DYTN: variants seen among roughly 807,000 people sequenced by gnomAD.
DYTN encodes the protein dystrotelin.
A neutral mutation model predicts 69.6 loss-of-function variants in DYTN; 75 were observed. The observed-to-expected ratio is 1.08, with a 90% confidence interval of 0.89 to 1.31. The LOEUF is 1.31. Ranked by LOEUF, DYTN falls within the 50% of genes most tolerant of loss-of-function variation. The probability of loss-of-function intolerance (pLI) is 0.00; values close to 1 mark genes in which losing one functional copy is unlikely to be tolerated. For synonymous variants in DYTN, 252 were observed against 249.1 expected (o/e 1.01, Z -0.11); for missense variants, 726 against 688.4 (o/e 1.05, Z -0.61).
intron 9 of DYTN, among the ~76,000 whole-genome samples, chr2:206,667,733 G>A (rs1016290023): frequency 1.3e-4 from 17 of 133,184 alleles, no homozygotes; most frequent in African/African-American, 4.2e-4. Flanking sequence ...TGTGTGTGTT[G>A]ACATGTCTTC....
At chr2:206,667,039 T>C (rs569930478) in intron 9 of DYTN, among the ~76,000 whole-genome samples, 240 of 152,206 alleles carry the variant, frequency 1.6e-3, no homozygotes, top group African/African-American at 5.6e-3. Context: ...AGAGAGACCC[T>C]GTCTCTAAAA....
intron 2 of DYTN, among the ~76,000 whole-genome samples, chr2:206,708,574 G>A (rs1232297758): frequency 6.6e-6 from 1 of 152,136 alleles, no homozygotes; most frequent in Non-Finnish European, 1.5e-5. Flanking sequence ...CTCTTTTATC[G>A]TTAAAACCTG....
intron 9 of DYTN, chr2:206,670,354 A>G (rs1040132906): frequency 1.9e-4 from 29 of 152,026 alleles, no homozygotes; most frequent in African/African-American, 6.8e-4. Flanking sequence ...GAATCACAGG[A>G]TTTCTTGGCT....
At chr2:206,657,109 T>G (rs1028709907) in intron 11 of DYTN, among the ~76,000 whole-genome samples, 1 of 152,090 alleles carries the variant, frequency 6.6e-6, no homozygotes, top group African/African-American at 2.4e-5. Flanking sequence ...ATTTTGTTCA[T>G]TGTTTCATTG....
chr2:206,680,228 A>G (rs1446283031), intron 9 of DYTN, among the ~76,000 whole-genome samples: 1 of 152,194 alleles, frequency 6.6e-6, no homozygotes, highest in African/African-American at 2.4e-5. Context: ...GAGTGTGTGC[A>G]GGGAAACTGC....
rs774276606 is a variant in DYTN, at chr2:206,699,856, A to C, written c.590T>G (p.Leu197Arg). The stretch of plus-strand genomic sequence containing the variant: ...GGGAGGCTCAGATTGGACCCAAGAC[A>C]GGAATTTTTCTTCTTTGATTGCTGG... ...LSPAIKEEKF[L>R]SWVQSEPPIL... The change falls in exon 7 of 12, where the codon CTG becomes CGG. Residue 197 changes from leucine (L) to arginine (R), a missense_variant. Transcript: ENST00000452335. The C allele has an allele frequency of 1.9e-6, 3 of 1,613,642 alleles. No homozygotes were observed. In the Admixed American group the frequency reaches 5.0e-5, roughly 27 times the overall value.
At chr2:206,652,141 G>A (rs1699395135) in intron 11 of DYTN, among the ~76,000 whole-genome samples, 1 of 152,114 alleles carries the variant, frequency 6.6e-6, no homozygotes. Flanking sequence ...ACTTTCCCAC[G>A]GCTCCTTGCA....
At chr2:206,686,015 A>C (rs1235245317) in intron 9 of DYTN, among the ~76,000 whole-genome samples, 1 of 150,272 alleles carries the variant, frequency 6.7e-6, no homozygotes, top group East Asian at 1.9e-4. Context: ...ACACATTTCC[A>C]GTGGATGCCA....
chr2:206,700,102 C>T lies in DYTN; in HGVS notation c.555+43G>A, dbSNP rs112061775. On this transcript the variant is annotated intron_variant, in intron 6 of 11. Coordinates refer to ENST00000452335, the MANE Select transcript of DYTN (RefSeq NM_001093730.1). The stretch of plus-strand genomic sequence containing the variant: ...TCAGTCAGCAAACTATCCCAATACA[C>T]CGTGTCTGTCCCCAACTCCAGGGAC... 7,776 of 1,611,426 alleles carry T rather than the reference C, an allele frequency of 4.8e-3. 24 individuals are homozygous for T. Among genetic ancestry groups the T allele is most frequent in the African/African-American group, 0.012 (868 of 74,994 alleles).
intron 9 of DYTN, among the ~76,000 whole-genome samples, chr2:206,676,403 G>A (rs1699686871): frequency 6.6e-6 from 1 of 151,786 alleles, no homozygotes; most frequent in South Asian, 2.1e-4. Context: ...ACAGGGAGGA[G>A]AACATCACAT....
chr2:206,665,289 GT>G (rs1245108330), intron 10 of DYTN, among the ~76,000 whole-genome samples: 1 of 152,030 alleles, frequency 6.6e-6, no homozygotes. Flanking sequence ...GTTTAAAAAT[GT>G]TATCTGTATA....
intron 9 of DYTN, among the ~76,000 whole-genome samples, chr2:206,691,702 G>A (rs1351626042): frequency 6.6e-6 from 1 of 152,054 alleles, no homozygotes; most frequent in African/African-American, 2.4e-5. Context: ...AGGTAAATGT[G>A]ACATAGGAAT....
intron 5 of DYTN, among the ~76,000 whole-genome samples, chr2:206,700,861 G>A (rs1292424323): frequency 6.6e-6 from 1 of 152,150 alleles, no homozygotes; most frequent in African/African-American, 2.4e-5. Context: ...AACATGCAGT[G>A]TTTGGTTTTC....
chr2:206,681,415 A>G (rs2105893876), intron 9 of DYTN, among the ~76,000 whole-genome samples: 1 of 152,282 alleles, frequency 6.6e-6, no homozygotes, highest in Non-Finnish European at 1.5e-5. Context: ...ACTATGTTGA[A>G]TAGGAGTGAT....
chr2:206,663,029 C>A lies in DYTN; in HGVS notation c.1507G>T (p.Ala503Ser). Reference sequence around the variant, plus strand: ...TCTTTCTTTTCCACGGCTGCCAGAGCAGGACTGCTCATTTCAGCAGGAACC... The same window carrying A: ...TCTTTCTTTTCCACGGCTGCCAGAGAAGGACTGCTCATTTCAGCAGGAACC... The part of the protein sequence containing the change: ...KMVPAEMSSP[A>S]LAAVEKKEAG... Residue 503 changes from alanine (A) to serine (S), a missense_variant, in exon 11 of 12, where the codon GCT becomes TCT. By Grantham distance (99) the Ala-to-Ser change is moderately conservative. Transcript: ENST00000452335. The A allele has an allele frequency of 1.2e-6, 2 of 1,613,898 alleles. No individual in the cohort carries two copies. Among genetic ancestry groups the A allele is most frequent in the Non-Finnish European group, 1.7e-6 (2 of 1,179,896 alleles).
intron 9 of DYTN, chr2:206,686,875 T>C (rs1488275824): frequency 6.6e-6 from 1 of 152,460 alleles, no homozygotes; most frequent in African/African-American, 2.4e-5. Context: ...CAAGGCTCTC[T>C]CTTTGATATT....
At chr2:206,670,238 A>C (rs1574590064) in intron 9 of DYTN, among the ~76,000 whole-genome samples, 1 of 152,256 alleles carries the variant, frequency 6.6e-6, no homozygotes, top group Non-Finnish European at 1.5e-5. Context: ...ACTAAATTCC[A>C]AGGAATAAAA....
At position 206,651,729 on chromosome 2, in the gene DYTN, A is replaced by T; in HGVS notation, c.*89T>A. On this transcript the variant is annotated 3_prime_UTR_variant, in exon 12 of 12. Coordinates refer to ENST00000452335, the MANE Select transcript of DYTN (RefSeq NM_001093730.1). ...TTCATAGTTCACACTAAACTATTAA[A>T]AGAAAGGTAGAAGTCTTAATTCTTT... 1 of 1,242,490 alleles carries T rather than the reference A, an allele frequency of 8.0e-7. No individual in the cohort carries two copies. Among genetic ancestry groups the T allele is most frequent in the Non-Finnish European group, 1.1e-6 (1 of 870,250 alleles). 77.0% of individuals were successfully genotyped at this position (1,242,490 alleles called of 1,614,324 possible).
chr2:206,699,616 CT>C (rs1699954616), intron 7 of DYTN, 110 bp downstream of exon 7: 3 of 1,334,920 alleles, frequency 2.2e-6, no homozygotes, highest in Admixed American at 6.6e-5. Flanking sequence ...AAAAAGTCAA[CT>C]GAATTTCAGA....
Sources: gnomAD v4.1 joint callset for allele counts (sites outside exome capture counted in the v4.1 genomes callset) on GRCh38, gnomAD v4.1.1 for gene constraint, MANE v1.5 for transcripts, NCBI Gene and HGNC (gene_info 2026-07-23, HGNC 2026-07-21) for gene names.